The following MAP7 variants were observed in gnomAD, a reference collection of about 807,000 sequenced individuals.
The protein encoded by MAP7 is microtubule associated protein 7.
A neutral mutation model predicts 94.8 loss-of-function variants in MAP7; 52 were observed. That is an observed-to-expected ratio of 0.55 (90% CI 0.44 to 0.69). MAP7 has a LOEUF of 0.69. MAP7 is among the 30% of genes least tolerant of loss of function. The pLI is 0.00. For synonymous variants in MAP7, 350 were observed against 357.0 expected, an observed-to-expected ratio of 0.98 and a Z score of 0.22; for missense variants, 940 against 964.6, an observed-to-expected ratio of 0.97 and a Z score of 0.34.
chr6:136,351,685 G>A (rs1789257905), intron 16 of MAP7, among the ~76,000 whole-genome samples: 1 of 152,162 alleles, frequency 6.6e-6, no homozygotes, highest in African/African-American at 2.4e-5. Context: ...ACAGCTGAAG[G>A]AGTCTTTTAG....
intron 1 of MAP7, among the ~76,000 whole-genome samples, chr6:136,511,491 TA>T (rs1312154825): frequency 5.8e-5 from 8 of 137,844 alleles, no homozygotes; most frequent in Non-Finnish European, 1.5e-5. Flanking sequence ...TTCTGGGCCT[TA>T]AAAAAAAAGG....
At position 136,360,634 on chromosome 6, in the gene MAP7, C is replaced by T. The variant is rs1582665191; in HGVS notation, c.1803+63G>A. 7 of 1,434,546 alleles carry T rather than the reference C, an allele frequency of 4.9e-6. No individual in the cohort carries two copies. The East Asian group carries it at 1.6e-4, about 33-fold the overall frequency. 88.9% of individuals were successfully genotyped at this position (1,434,546 alleles called of 1,614,324 possible). A position where few individuals can be genotyped will look rare whatever the true frequency, so the allele number is the denominator to read the frequency against. On this transcript the variant is annotated intron_variant, in intron 13 of 17. Transcript: ENST00000354570. ...AACACGCGTTTTCTGACGGCCAGGG[C>T]TAGTCTCTGGGTCTTAGAGGTGCAA...
chr6:136,507,960 A>G (rs572805960), intron 1 of MAP7, among the ~76,000 whole-genome samples: 17 of 152,208 alleles, frequency 1.1e-4, no homozygotes, highest in Non-Finnish European at 2.2e-4. Flanking sequence ...TCTTTGACAC[A>G]CATTCCAATT....
chr6:136,362,215 G>A (rs566434145), intron 11 of MAP7, among the ~76,000 whole-genome samples: 6 of 152,168 alleles, frequency 3.9e-5, no homozygotes, highest in African/African-American at 1.4e-4. Context: ...GAGCCCAAGA[G>A]TTTGAGACCA....
chr6:136,487,466 T>C (rs1815134891), intron 1 of MAP7, among the ~76,000 whole-genome samples: 1 of 152,114 alleles, frequency 6.6e-6, no homozygotes. Flanking sequence ...ATCCCAGCAC[T>C]TTGGGAGACC....
At chr6:136,427,733 T>C (rs548880823) in intron 1 of MAP7, among the ~76,000 whole-genome samples, 6 of 152,368 alleles carry the variant, frequency 3.9e-5, no homozygotes, top group African/African-American at 1.4e-4. Context: ...TAAAATCTTC[T>C]TTTTCTTGCA....
At chr6:136,533,111 A>G (rs1024326008) in intron 1 of MAP7, among the ~76,000 whole-genome samples, 1 of 152,146 alleles carries the variant, frequency 6.6e-6, no homozygotes, top group Non-Finnish European at 1.5e-5. Context: ...CATCTCTACT[A>G]AAAATACAAA....
chr6:136,367,477 CTTCCTTTCCCTTTTGT>C (rs1794629295), intron 8 of MAP7, among the ~76,000 whole-genome samples: 1 of 152,174 alleles, frequency 6.6e-6, no homozygotes, highest in Admixed American at 6.5e-5. Context: ...TCCTCTTTTC[CTTCCTTTCCCTTTTGT>C]TCCCCTCAGT....
At position 136,388,385 on chromosome 6, in the gene MAP7, C is replaced by T. The variant is rs1562341458; in HGVS notation, c.526+8G>A. 6.2e-7 allele frequency: 1 copy of T among 1,602,458 alleles called. No individual in the cohort carries two copies. The highest frequency in any genetic ancestry group is 1.7e-5 in the Admixed American group (1 of 59,740). The stretch of plus-strand genomic sequence containing the variant: ...TAAAGACTAATTTTCAAAGTGGTCA[C>T]TGTTTACCTGCACTGTGGATGCTAG... On this transcript the variant is annotated splice_region_variant and intron_variant, in intron 5 of 17. Transcript: ENST00000354570.
chr6:136,505,627 C>G (rs1821296050), intron 1 of MAP7, among the ~76,000 whole-genome samples: 2 of 151,756 alleles, frequency 1.3e-5, no homozygotes, highest in African/African-American at 4.9e-5. Context: ...AAAGGAACAG[C>G]AGACACTGGG....
At chr6:136,497,946 C>T (rs751353627) in intron 1 of MAP7, among the ~76,000 whole-genome samples, 11 of 151,872 alleles carry the variant, frequency 7.2e-5, no homozygotes, top group Non-Finnish European at 7.4e-5. Flanking sequence ...CCCTCAAAAT[C>T]ATCTTTGGAG....
rs369817116 is a variant in MAP7 at position 136,344,252 on chromosome 6, C to A, written c.2240-14G>T. ...CTCATATAACTTCTACATGAAGAGA[C>A]AGAAAAAGAACAAGATTAATATGAC... On this transcript the variant is annotated splice_polypyrimidine_tract_variant and intron_variant, in intron 17 of 17. Coordinates refer to ENST00000354570, the MANE Select transcript of MAP7 (RefSeq NM_003980.6). 1 of 1,305,246 alleles carries A rather than the reference C, an allele frequency of 7.7e-7. No homozygotes were observed. The highest frequency in any genetic ancestry group is 1.0e-6 in the Non-Finnish European group (1 of 976,056). 80.9% of individuals were successfully genotyped at this position (1,305,246 alleles called of 1,614,324 possible).
chr6:136,418,802 T>C (rs961670705), intron 2 of MAP7, among the ~76,000 whole-genome samples: 2 of 152,016 alleles, frequency 1.3e-5, no homozygotes, highest in Non-Finnish European at 2.9e-5. Flanking sequence ...AGACAGACAT[T>C]CCTATGACCC....
At chr6:136,435,787 A>G (rs1241719913) in intron 1 of MAP7, among the ~76,000 whole-genome samples, 1 of 152,216 alleles carries the variant, frequency 6.6e-6, no homozygotes, top group South Asian at 2.1e-4. Context: ...TGAGGAAGCA[A>G]GAAAACCTGC....
intron 1 of MAP7, among the ~76,000 whole-genome samples, chr6:136,531,695 T>C (rs1828484141): frequency 1.6e-5 from 2 of 124,580 alleles, no homozygotes; most frequent in South Asian, 4.4e-4. Context: ...GTCATAGGGA[T>C]AGACGTAAAA....
chr6:136,382,187 A>G (rs533021595), intron 6 of MAP7, among the ~76,000 whole-genome samples: 135 of 152,312 alleles, frequency 8.9e-4, no homozygotes, highest in African/African-American at 3.1e-3. Context: ...TCTAGAATAC[A>G]TCTTTCTAAT....
chr6:136,420,670 T>A (rs1428692487), intron 2 of MAP7, among the ~76,000 whole-genome samples: 7 of 152,214 alleles, frequency 4.6e-5, no homozygotes, highest in Non-Finnish European at 8.8e-5. Flanking sequence ...TAAGGAAATC[T>A]CTGCTTGGTA....
intron 5 of MAP7, among the ~76,000 whole-genome samples, chr6:136,387,792 C>A (rs1167237025): frequency 6.6e-6 from 1 of 151,852 alleles, no homozygotes; most frequent in African/African-American, 2.4e-5. Context: ...AAAATAAAAA[C>A]TGACACACTA....
At chr6:136,522,726 TA>T (rs1826762772) in intron 1 of MAP7, among the ~76,000 whole-genome samples, 1 of 152,170 alleles carries the variant, frequency 6.6e-6, no homozygotes, top group South Asian at 2.1e-4. Flanking sequence ...GCTTTGGGAA[TA>T]CTTAATTTAG....
Sources: gnomAD v4.1 joint callset for allele counts (sites outside exome capture counted in the v4.1 genomes callset) on GRCh38, gnomAD v4.1.1 for gene constraint, MANE v1.5 for transcripts, NCBI Gene and HGNC (gene_info 2026-07-23, HGNC 2026-07-21) for gene names.